The following CCT6A variants were observed in gnomAD, a reference collection of about 807,000 sequenced individuals.
The protein encoded by CCT6A is chaperonin containing TCP1 subunit 6A, also known as T-complex protein 1 subunit zeta.
A neutral mutation model predicts 58.6 loss-of-function variants in CCT6A; 6 were observed. The ratio of observed to expected loss-of-function variants is 0.10; its 90% CI spans 0.06 to 0.20. The LOEUF is 0.20. Ranked by LOEUF, CCT6A falls within the 10% of genes least tolerant of loss-of-function variation. The pLI is 1.00. For synonymous variants in CCT6A, 245 were observed against 227.8 expected, an observed-to-expected ratio of 1.08 and a Z score of -0.68; for missense variants, 516 against 648.8, an observed-to-expected ratio of 0.80 and a Z score of 2.22.
chr7:56,063,000 G>A lies in CCT6A; in HGVS notation c.1524-13G>A. 6.2e-7 allele frequency: 1 copy of A among 1,602,352 alleles called. No individual in the cohort carries two copies. The highest frequency in any genetic ancestry group is 1.1e-5 in the South Asian group (1 of 90,798). Reference sequence around the variant, plus strand: ...TAATCATCTGAGCCATCTTATTTTTGTCCCCCTTTCAGCACTGTGATTGCC... The same window carrying A: ...TAATCATCTGAGCCATCTTATTTTTATCCCCCTTTCAGCACTGTGATTGCC... On this transcript the variant is annotated splice_polypyrimidine_tract_variant and intron_variant, in intron 13 of 13. Coordinates refer to ENST00000275603, the MANE Select transcript of CCT6A (RefSeq NM_001762.4).
chr7:56,055,233 C>T (rs371749160), intron 3 of CCT6A: 6 of 252,086 alleles, frequency 2.4e-5, no homozygotes, highest in Middle Eastern at 2.1e-3. Flanking sequence ...GAGATTGTGC[C>T]ATTGTACTCC....
chr7:56,060,375 T>G lies in CCT6A; in HGVS notation c.1172T>G (p.Val391Gly). 6.2e-7 allele frequency: 1 copy of G among 1,614,082 alleles called. No homozygotes were observed. The highest frequency in any genetic ancestry group is 2.2e-5 in the East Asian group (1 of 44,878). Residue 391 changes from valine to glycine, a missense_variant, in exon 10 of 14, where the codon GTG becomes GGG. Coordinates refer to ENST00000275603, the MANE Select transcript of CCT6A (RefSeq NM_001762.4). ...ACACTCACTCAGATCAAAGATGCAG[T>G]GAGGGACGGCTTGAGGGCTGTCAAA... ...KHTLTQIKDA[V>G]RDGLRAVKNA...
rs1039490511 is a variant in CCT6A, at chr7:56,051,950, A to G, written c.102A>G (p.Leu34=). 1.9e-6 allele frequency: 3 copies of G among 1,545,456 alleles called. No individual in the cohort carries two copies. The highest frequency in any genetic ancestry group is 1.4e-5 in the African/African-American group (1 of 71,776). The change falls in exon 1 of 14, where the codon CTA becomes CTG. Residue 34 remains leucine, a synonymous_variant. Transcript: ENST00000275603. Reference sequence around the variant, plus strand: ...CAGCGCGGGGTCTGCAGGACGTGCTAAGGACCAACCTGGGGCCCAAGGGCA... The same window carrying G: ...CAGCGCGGGGTCTGCAGGACGTGCTGAGGACCAACCTGGGGCCCAAGGGCA... The part of the protein sequence containing the change: ...ISAARGLQDV[L]RTNLGPKGTM...
rs1400150044 is a variant in CCT6A, at chr7:56,058,435, A to T, written c.799A>T (p.Ile267Phe). The T allele has an allele frequency of 6.2e-7, 1 of 1,604,972 alleles. No individual in the cohort carries two copies. The highest frequency in any genetic ancestry group is 8.5e-7 in the Non-Finnish European group (1 of 1,176,474). ...EKLVKAERKF[I>F]EDRVKKIIEL... ...ACTCGTGAAAGCTGAAAGAAAATTC[A>T]TTGAAGATAGGGTTAAAAAAATAAT... The change falls in exon 7 of 14, where the codon ATT (isoleucine) becomes TTT (phenylalanine). Residue 267 changes from isoleucine (I) to phenylalanine (F), a missense_variant. Physicochemically the swap from Ile to Phe is conservative, Grantham distance 21. Transcript: ENST00000275603.
chr7:56,058,172 A>G, intron 6 of CCT6A, 69 bp downstream of exon 6: 1 of 1,053,856 alleles, frequency 9.5e-7, no homozygotes, highest in South Asian at 1.3e-5. Flanking sequence ...TTTTTTGTGA[A>G]ACTTTGTTTC....
Position 56,060,358 on chromosome 7 carries a change from T to C in CCT6A, c.1155T>C (p.Thr385=), listed in dbSNP as rs747476832. The C allele has an allele frequency of 3.1e-6, 5 of 1,614,000 alleles. No homozygotes were observed. The South Asian group carries it at 5.5e-5, about 18-fold the overall frequency. Residue 385 remains threonine (T), a synonymous_variant, in exon 10 of 14, where the codon ACT becomes ACC. Transcript: ENST00000275603. ...AAGGACCAAATAAGCACACACTCAC[T>C]CAGATCAAAGATGCAGTGAGGGACG... The part of the protein sequence containing the change: ...LIKGPNKHTL[T]QIKDAVRDGL...
intron 8 of CCT6A, chr7:56,058,905 C>G: frequency 2.6e-6 from 1 of 389,296 alleles, no homozygotes; most frequent in East Asian, 3.9e-5. Flanking sequence ...AATAGTTACT[C>G]CCCATTTCTC....
chr7:56,055,768 C>T lies in CCT6A; in HGVS notation c.481C>T (p.His161Tyr), dbSNP rs769437110. 1 of 1,613,660 alleles carries T rather than the reference C, an allele frequency of 6.2e-7. No individual in the cohort carries two copies. The highest frequency in any genetic ancestry group is 1.1e-5 in the South Asian group (1 of 91,012). The change falls in exon 4 of 14, where the codon CAT becomes TAT. Residue 161 changes from histidine (H) to tyrosine (Y), a missense_variant. Physicochemically the swap from His to Tyr is moderately conservative, Grantham distance 83. Transcript: ENST00000275603. ...VARTSLRTKVHAELADVLTEA... is the reference protein window; with the variant it reads ...VARTSLRTKVYAELADVLTEA... ...CAGAACATCTCTTCGTACTAAAGTT[C>T]ATGCTGAACTTGCAGATGTCTTAAC... is the stretch of plus-strand genomic sequence containing the variant.
intron 5 of CCT6A, 79 bp from the exon 6 acceptor site, chr7:56,057,914 T>TTCAGTGTTTA: frequency 1.3e-6 from 1 of 794,322 alleles, no homozygotes; most frequent in Non-Finnish European, 2.2e-6. Context: ...GAAATATCAA[T>TTCAGTGTTTA]ACCTTCTCAT....
In CCT6A at chr7:56,052,442, A is replaced by T; in HGVS notation, c.158A>T (p.Asp53Val). ...TMKMLVSGAG[D>V]IKLTKDGNVL... Reference sequence around the variant, plus strand: ...AACAGGCTCGTTTCTGGCGCTGGAGACATCAAACTTACTAAAGACGGCAAT... The same window carrying T: ...AACAGGCTCGTTTCTGGCGCTGGAGTCATCAAACTTACTAAAGACGGCAAT... Residue 53 changes from aspartate to valine, a missense_variant, in exon 2 of 14, where the codon GAC becomes GTC. By Grantham distance (152) the Asp-to-Val change is radical. Coordinates refer to ENST00000275603, the MANE Select transcript of CCT6A (RefSeq NM_001762.4). 1 of 1,614,068 alleles carries T rather than the reference A, an allele frequency of 6.2e-7. No individual in the cohort carries two copies. The highest frequency in any genetic ancestry group is 8.5e-7 in the Non-Finnish European group (1 of 1,179,914).
chr7:56,061,373 G>GGT (rs1794427572), intron 11 of CCT6A, among the ~76,000 whole-genome samples: 1 of 117,618 alleles, frequency 8.5e-6, no homozygotes, highest in Non-Finnish European at 1.7e-5. Flanking sequence ...TATGCAATGA[G>GGT]TTTTTTTTTT....
intron 11 of CCT6A, 49 bp from the exon 12 acceptor site, chr7:56,061,693 TTACTA>T: frequency 2.2e-6 from 1 of 452,450 alleles, no homozygotes; most frequent in Non-Finnish European, 3.9e-6. Flanking sequence ...TTTTTTTTTT[TTACTA>T]TCAGTTATTA....
At chr7:56,059,972 G>A (rs1448295963) in intron 9 of CCT6A, 2 of 446,180 alleles carry the variant, frequency 4.5e-6, no homozygotes, top group East Asian at 8.3e-5. Flanking sequence ...AAAGTGCTGA[G>A]ATTACAGGCA....
intron 11 of CCT6A, 133 bp downstream of exon 11, chr7:56,061,073 G>C: frequency 2.2e-6 from 2 of 914,086 alleles, no homozygotes; most frequent in East Asian, 5.4e-5. Flanking sequence ...TCTAGAACAG[G>C]TATTCCTCAT....
In CCT6A at chr7:56,058,008, T is replaced by A. The variant is rs778686498; in HGVS notation, c.630T>A (p.Leu210=). Residue 210 remains leucine (L), a synonymous_variant, in exon 6 of 14, where the codon CTT becomes CTA. Coordinates refer to ENST00000275603, the MANE Select transcript of CCT6A (RefSeq NM_001762.4). ...SETDTSLIRG[L]VLDHGARHPD... ...GTTTAAACAGCTTAATCAGAGGGCT[T>A]GTTTTGGACCACGGAGCACGGCATC... 1 of 1,608,430 alleles carries A rather than the reference T, an allele frequency of 6.2e-7. No individual in the cohort carries two copies.
At chr7:56,055,944 A>C in intron 4 of CCT6A, 147 bp downstream of exon 4, 1 of 587,400 alleles carries the variant, frequency 1.7e-6, no homozygotes, top group Non-Finnish European at 2.9e-6. Flanking sequence ...CTGTGTCTCT[A>C]AAAATGAGGA....
chr7:56,061,693 TTAC>T, intron 11 of CCT6A, 51 bp from the exon 12 acceptor site: 3 of 452,458 alleles, frequency 6.6e-6, no homozygotes, highest in South Asian at 4.9e-5. Context: ...TTTTTTTTTT[TTAC>T]TATCAGTTAT....
intron 2 of CCT6A, 71 bp downstream of exon 2, chr7:56,052,556 T>G: frequency 1.0e-5 from 13 of 1,283,870 alleles, no homozygotes; most frequent in Non-Finnish European, 1.5e-5. Context: ...TAGAAAGATT[T>G]GCAGTGTCCA....
intron 5 of CCT6A, 89 bp downstream of exon 5, chr7:56,056,503 A>G: frequency 1.4e-6 from 1 of 734,170 alleles, no homozygotes; most frequent in Non-Finnish European, 2.5e-6. Flanking sequence ...TGGGCAAATC[A>G]CCTCAGGTCA....
Sources: allele counts gnomAD v4.1 joint callset (sites outside exome capture counted in the v4.1 genomes callset), GRCh38; gene constraint gnomAD v4.1.1; transcripts MANE v1.5; gene names NCBI Gene and HGNC (gene_info 2026-07-23, HGNC 2026-07-21).